The following FBXL7 variants were observed in gnomAD, a reference collection of about 807,000 sequenced individuals.
FBXL7 encodes F-box and leucine rich repeat protein 7, also known as F-box/LRR-repeat protein 7.
FBXL7 carries 12 observed loss-of-function variants against 38.3 expected under a neutral mutation model. That is an observed-to-expected ratio of 0.31 (90% CI 0.20 to 0.51). FBXL7 has a LOEUF of 0.51. FBXL7 is among the 20% of genes least tolerant of loss of function. The pLI, the probability that FBXL7 is intolerant of heterozygous loss-of-function variation, is 0.98. For synonymous variants in FBXL7, 297 were observed against 300.9 expected (o/e 0.99, Z 0.13); for missense variants, 567 against 676.4 (o/e 0.84, Z 1.79).
At chr5:15,576,579 A>T (rs2126460798) in intron 1 of FBXL7, among the ~76,000 whole-genome samples, 1 of 152,338 alleles carries the variant, frequency 6.6e-6, no homozygotes. Flanking sequence ...TTATGTTGTT[A>T]CTGCTCAGCA....
intron 2 of FBXL7, among the ~76,000 whole-genome samples, chr5:15,634,228 T>C (rs1243228693): frequency 1.3e-5 from 2 of 151,598 alleles, no homozygotes; most frequent in African/African-American, 4.8e-5. Flanking sequence ...CACACCTGTG[T>C]GGGGAGGTGG....
At chr5:15,850,044 C>G (rs1739046081) in intron 2 of FBXL7, among the ~76,000 whole-genome samples, 1 of 152,142 alleles carries the variant, frequency 6.6e-6, no homozygotes, top group Admixed American at 6.5e-5. Context: ...TCACAAGCAC[C>G]AGCACTTCTG....
At position 15,547,905 on chromosome 5, in the gene FBXL7, C is replaced by T. The variant is rs541279868; in HGVS notation, c.37+47192C>T. On this transcript the variant is annotated intron_variant, in intron 1 of 3. Transcript: ENST00000504595. ...TGCTGGGGGAACTTGAAGTCGGCAA[C>T]ATGAGTGATACCACCTGCAGGCATG... 2.0e-5 allele frequency among the ~76,000 whole-genome samples: 3 copies of T among 152,276 alleles called. No individual in the cohort carries two copies. In the South Asian group the frequency reaches 6.2e-4, roughly 32 times the overall value.
intron 2 of FBXL7, among the ~76,000 whole-genome samples, chr5:15,809,798 G>A (rs1036176931): frequency 3.3e-5 from 5 of 152,152 alleles, no homozygotes; most frequent in South Asian, 2.1e-4. Flanking sequence ...AAGACAACTT[G>A]AAAATAACTT....
chr5:15,500,569 A>T lies in FBXL7; in HGVS notation c.-108A>T, dbSNP rs539858244. 6.8e-7 allele frequency: 1 copy of T among 1,466,430 alleles called. No individual in the cohort carries two copies. Among genetic ancestry groups the T allele is most frequent in the African/African-American group, 1.4e-5 (1 of 71,766 alleles). 90.8% of individuals were successfully genotyped at this position (1,466,430 alleles called of 1,614,324 possible). ...AGGTCGGCCCCGGAGCTTGGGGGGG[A>T]TGTGCAGCTAACGGTCCCGTCGGGC... is the stretch of plus-strand genomic sequence containing the variant. On this transcript the variant is annotated 5_prime_UTR_variant, in exon 1 of 4. An upstream start codon of the reference 5' UTR is lost. Coordinates refer to ENST00000504595, the MANE Select transcript of FBXL7 (RefSeq NM_012304.5).
At chr5:15,898,584 T>C (rs1741160043) in intron 2 of FBXL7, among the ~76,000 whole-genome samples, 1 of 152,268 alleles carries the variant, frequency 6.6e-6, no homozygotes, top group Non-Finnish European at 1.5e-5. Flanking sequence ...AAATTGTCCT[T>C]AGGCATAGAA....
intron 2 of FBXL7, among the ~76,000 whole-genome samples, chr5:15,617,898 T>G (rs924333847): frequency 6.6e-6 from 1 of 152,238 alleles, no homozygotes; most frequent in Admixed American, 6.5e-5. Flanking sequence ...CTTGTCTAAT[T>G]TGAATGGCTA....
intron 2 of FBXL7, among the ~76,000 whole-genome samples, chr5:15,861,735 G>T (rs1225524472): frequency 6.6e-6 from 1 of 152,158 alleles, no homozygotes; most frequent in Admixed American, 6.5e-5. Context: ...AAGTCGTGGG[G>T]TGTTGACCAC....
chr5:15,788,003 T>C (rs185492855), intron 2 of FBXL7, among the ~76,000 whole-genome samples: 6 of 152,310 alleles, frequency 3.9e-5, no homozygotes, highest in East Asian at 1.9e-4. Context: ...AGAGGAGATC[T>C]CTGCTGCTTC....
At chr5:15,563,264 C>T (rs1738468409) in intron 1 of FBXL7, among the ~76,000 whole-genome samples, 1 of 152,138 alleles carries the variant, frequency 6.6e-6, no homozygotes. Flanking sequence ...CTAACACTTG[C>T]TTGAGCAAGT....
intron 2 of FBXL7, among the ~76,000 whole-genome samples, chr5:15,862,205 T>A (rs373346556): frequency 6.6e-6 from 1 of 152,196 alleles, no homozygotes; most frequent in South Asian, 2.1e-4. Flanking sequence ...TCCCCCATAC[T>A]GTTCTCGTGG....
rs140527435 is a variant in FBXL7 at position 15,691,202 on chromosome 5, G to A, written c.127+75130G>A. Among the ~76,000 whole-genome samples, 659 of 152,186 alleles carry A rather than the reference G, an allele frequency of 4.3e-3. 4 individuals are homozygous for A. Among genetic ancestry groups the A allele is most frequent in the African/African-American group, 0.015 (631 of 41,516 alleles). ...ACTGGAGTGCACATCCCGCTTGATG[G>A]GCAGGTTTCCCCACCACCTTTCATC... On this transcript the variant is annotated intron_variant, in intron 2 of 3. Transcript: ENST00000504595.
chr5:15,836,890 C>T (rs1738606240), intron 2 of FBXL7, among the ~76,000 whole-genome samples: 1 of 152,198 alleles, frequency 6.6e-6, no homozygotes, highest in Non-Finnish European at 1.5e-5. Context: ...TAGCCATCAG[C>T]TGTGTCGTCA....
chr5:15,686,305 T>G (rs996210014), intron 2 of FBXL7, among the ~76,000 whole-genome samples: 1 of 152,208 alleles, frequency 6.6e-6, no homozygotes, highest in Non-Finnish European at 1.5e-5. Context: ...TCTTTTTGTT[T>G]CGTTGTTCAT....
chr5:15,926,720 G>A (rs1355951733), intron 2 of FBXL7, among the ~76,000 whole-genome samples: 3 of 152,014 alleles, frequency 2.0e-5, no homozygotes, highest in East Asian at 1.9e-4. Context: ...CAAAGGGGAG[G>A]TTGTTAATAA....
At chr5:15,529,340 C>A (rs1283472471) in intron 1 of FBXL7, among the ~76,000 whole-genome samples, 2 of 151,888 alleles carry the variant, frequency 1.3e-5, no homozygotes, top group African/African-American at 4.8e-5. Context: ...TGGGTTGATT[C>A]CATACCTGGC....
intron 2 of FBXL7, among the ~76,000 whole-genome samples, chr5:15,876,536 C>T (rs375859444): frequency 2.6e-5 from 4 of 152,212 alleles, no homozygotes; most frequent in East Asian, 1.9e-4. Flanking sequence ...AAGGGCATTG[C>T]TTTTAAGCTC....
At chr5:15,859,431 C>G (rs1002912768) in intron 2 of FBXL7, among the ~76,000 whole-genome samples, 2 of 152,094 alleles carry the variant, frequency 1.3e-5, no homozygotes, top group African/African-American at 4.8e-5. Context: ...CAAATTATCT[C>G]ACCTGTATTA....
At chr5:15,875,657 A>G (rs2126306322) in intron 2 of FBXL7, among the ~76,000 whole-genome samples, 1 of 152,330 alleles carries the variant, frequency 6.6e-6, no homozygotes, top group South Asian at 2.1e-4. Flanking sequence ...AAAAAAGCTC[A>G]TCGTCGCTGG....
Sources: allele counts gnomAD v4.1 joint callset (sites outside exome capture counted in the v4.1 genomes callset), GRCh38; gene constraint gnomAD v4.1.1; transcripts MANE v1.5; gene names NCBI Gene and HGNC (gene_info 2026-07-23, HGNC 2026-07-21).